Variants in CORO7 observed in about 807,000 individuals in gnomAD.
The protein encoded by CORO7 is coronin-7.
In CORO7, 107 loss-of-function variants were observed where a neutral mutation model predicts 126.6. The ratio of observed to expected loss-of-function variants is 0.85; its 90% CI spans 0.72 to 0.99. CORO7 has a LOEUF of 0.99. Among genes scored for constraint, CORO7 ranks in the 50% least tolerant of loss-of-function variants. The pLI is 0.00. For synonymous variants in CORO7, 603 were observed against 536.8 expected, an observed-to-expected ratio of 1.12 and a Z score of -1.70; for missense variants, 1,314 against 1,255.8, an observed-to-expected ratio of 1.05 and a Z score of -0.70.
At chr16:4,397,733 C>T (rs1442757798) in intron 6 of CORO7, among the ~76,000 whole-genome samples, 2 of 152,070 alleles carry the variant, frequency 1.3e-5, no homozygotes, top group East Asian at 3.9e-4. Flanking sequence ...CCTGCCTCAG[C>T]CTCCCGAGTA....
intron 9 of CORO7, among the ~76,000 whole-genome samples, chr16:4,368,074 T>C (rs934318995): frequency 6.6e-6 from 1 of 152,046 alleles, no homozygotes. Context: ...TAGCGAGGTA[T>C]GCTGGCTCAC....
intron 6 of CORO7, among the ~76,000 whole-genome samples, 186 bp downstream of exon 6, chr16:4,405,304 TA>T (rs2055955986): frequency 6.6e-6 from 1 of 152,110 alleles, no homozygotes; most frequent in Non-Finnish European, 1.5e-5. Flanking sequence ...CTAGGCAAGG[TA>T]GGGGCTTCCA....
At chr16:4,371,187 A>C (rs2054508806) in intron 9 of CORO7, among the ~76,000 whole-genome samples, 1 of 152,172 alleles carries the variant, frequency 6.6e-6, no homozygotes, top group Non-Finnish European at 1.5e-5. Flanking sequence ...TCCCTGACAC[A>C]GCCCCTTCAT....
At chr16:4,386,271 T>A (rs1567279759) in intron 9 of CORO7, among the ~76,000 whole-genome samples, 1 of 152,194 alleles carries the variant, frequency 6.6e-6, no homozygotes, top group Non-Finnish European at 1.5e-5. Context: ...GGGTCAGCCT[T>A]GGCCAGTGGC....
intron 6 of CORO7, among the ~76,000 whole-genome samples, chr16:4,400,407 G>C (rs533832937): frequency 3.7e-4 from 57 of 152,312 alleles, no homozygotes; most frequent in African/African-American, 1.1e-3. Context: ...GCCGAGGTGG[G>C]TGGATCACCT....
chr16:4,394,021 A>G (rs1438063980), intron 7 of CORO7, among the ~76,000 whole-genome samples: 2 of 151,866 alleles, frequency 1.3e-5, no homozygotes, highest in African/African-American at 4.8e-5. Flanking sequence ...AAATCACTTG[A>G]GCCTAGGAGG....
intron 9 of CORO7, among the ~76,000 whole-genome samples, chr16:4,366,470 G>A (rs1419858600): frequency 2.6e-5 from 4 of 151,808 alleles, no homozygotes; most frequent in Non-Finnish European, 5.9e-5. Context: ...ATGGGGACCT[G>A]GAAGGACTCT....
intron 14 of CORO7, chr16:4,363,005 G>A (rs1434505602): frequency 5.4e-6 from 2 of 371,886 alleles, no homozygotes; most frequent in East Asian, 3.9e-5. Context: ...AGATCTGCCA[G>A]TATTTTAAGA....
chr16:4,386,527 G>A (rs530338855), intron 9 of CORO7, among the ~76,000 whole-genome samples: 2 of 152,308 alleles, frequency 1.3e-5, no homozygotes, highest in African/African-American at 4.8e-5. Flanking sequence ...CCTGGGATGG[G>A]GGACATGGGG....
chr16:4,361,784 CTG>C, intron 16 of CORO7, 199 bp downstream of exon 16: 1 of 941,290 alleles, frequency 1.1e-6, no homozygotes, highest in African/African-American at 1.6e-5. Context: ...CTAAACCTCT[CTG>C]TGCCTCTTCT....
chr16:4,358,950 T>C (rs1213812488), intron 23 of CORO7: 2 of 335,070 alleles, frequency 6.0e-6, no homozygotes, highest in African/African-American at 4.3e-5. Flanking sequence ...CAATTTTTTG[T>C]TTGTTTTGTA....
At chr16:4,381,826 C>G in intron 9 of CORO7, 1 of 1,601,114 alleles carries the variant, frequency 6.2e-7, no homozygotes, top group South Asian at 1.1e-5. Context: ...GCGCGAGAGC[C>G]ACGTCACACT....
At position 4,407,562 on chromosome 16, in the gene CORO7, C is replaced by T; in HGVS notation, c.426G>A (p.Leu142=). The T allele has an allele frequency of 6.3e-7, 1 of 1,585,714 alleles. No homozygotes were observed. Among genetic ancestry groups the T allele is most frequent in the Non-Finnish European group, 8.6e-7 (1 of 1,165,974 alleles). Residue 142 remains leucine (L), a synonymous_variant, in exon 5 of 28, where the codon CTG becomes CTA. Coordinates refer to ENST00000251166, the MANE Select transcript of CORO7 (RefSeq NM_024535.5). ...TCACAGTGGTGCCTGCTGCGCTCAC[C>T]AGAATGCCGTCAGAGGTGGGGTGGA... ...LQFHPTSDGI[L]VSAAGTTVKV...
intron 9 of CORO7, among the ~76,000 whole-genome samples, chr16:4,366,098 C>A (rs904939962): frequency 6.6e-6 from 1 of 152,180 alleles, no homozygotes; most frequent in Non-Finnish European, 1.5e-5. Flanking sequence ...CTCAGAGACC[C>A]CCCCATGCTG....
rs749715730 is a variant in CORO7, at chr16:4,362,575, C to CA, written c.1402+36_1402+37insT. The CA allele has an allele frequency of 2.2e-5, 33 of 1,515,696 alleles. No individual in the cohort carries two copies. The highest frequency in any genetic ancestry group is 2.9e-5 in the Non-Finnish European group (33 of 1,135,578). 93.9% of individuals were successfully genotyped at this position (1,515,696 alleles called of 1,614,324 possible). ...ACGGGGAGTGGGGCAGACAGGGCTC[C>CA]TGCGGTAGGGGTGAGCTCCCCGTCC... On this transcript the variant is annotated intron_variant, in intron 15 of 27. Transcript: ENST00000251166. The surrounding 1 kb of genome is among the most constrained non-coding windows in gnomAD (Gnocchi z 5.3).
intron 9 of CORO7, among the ~76,000 whole-genome samples, chr16:4,379,003 C>T (rs1215875282): frequency 6.6e-6 from 1 of 152,096 alleles, no homozygotes; most frequent in South Asian, 2.1e-4. Context: ...TCGAGCTACC[C>T]GCAGACCCCA....
chr16:4,402,587 C>A (rs918774193), intron 6 of CORO7, among the ~76,000 whole-genome samples: 1 of 152,168 alleles, frequency 6.6e-6, no homozygotes. Flanking sequence ...GACAGCGCCA[C>A]CCCTGGGCAG....
chr16:4,382,282 G>A (rs760768336), intron 9 of CORO7: 38 of 1,608,952 alleles, frequency 2.4e-5, no homozygotes, highest in South Asian at 7.7e-5. Flanking sequence ...CCTGGGCATC[G>A]AGCCGGTGAG....
chr16:4,364,635 T>G lies in CORO7; in HGVS notation c.1099A>C (p.Thr367Pro). Reference sequence around the variant, plus strand: ...CCAGCCCACCAGCTATGGGGGTCGGTGGCAGGCACACAGCCGGCAGTGTCC... The same window carrying G: ...CCAGCCCACCAGCTATGGGGGTCGGGGGCAGGCACACAGCCGGCAGTGTCC... ...FPDTAGCVPA[T>P]DPHSWWAGDN... The change falls in exon 13 of 28, where the codon ACC becomes CCC. Residue 367 changes from threonine (T) to proline (P), a missense_variant. Coordinates refer to ENST00000251166, the MANE Select transcript of CORO7 (RefSeq NM_024535.5). 1 of 1,575,084 alleles carries G rather than the reference T, an allele frequency of 6.3e-7. No homozygotes were observed. The highest frequency in any genetic ancestry group is 1.3e-5 in the African/African-American group (1 of 74,438).
Sources: allele counts gnomAD v4.1 joint callset (sites outside exome capture counted in the v4.1 genomes callset), GRCh38; gene constraint gnomAD v4.1.1; non-coding constraint Gnocchi (gnomAD v3.1); transcripts MANE v1.5; gene names NCBI Gene and HGNC (gene_info 2026-07-23, HGNC 2026-07-21).